Variants in PTPRT observed in about 807,000 individuals in gnomAD.
The protein encoded by PTPRT is receptor-type tyrosine-protein phosphatase T.
PTPRT carries 56 observed loss-of-function variants against 176.8 expected under a neutral mutation model. That is an observed-to-expected ratio of 0.32 (90% CI 0.26 to 0.40). The LOEUF (loss-of-function observed/expected upper bound fraction) is 0.40. PTPRT is among the 10% of genes least tolerant of loss of function. PTPRT has a pLI of 1.00. For missense variants in PTPRT, 1,540 were observed against 1,908.2 expected, an observed-to-expected ratio of 0.81 and a Z score of 3.60; for synonymous variants, 783 against 739.0, an observed-to-expected ratio of 1.06 and a Z score of -0.96.
chr20:43,091,623 T>C (rs892508850), intron 1 of PTPRT, among the ~76,000 whole-genome samples: 1 of 151,946 alleles, frequency 6.6e-6, no homozygotes, highest in South Asian at 2.1e-4. Context: ...CAAAAAGTTT[T>C]CCACATACCT....
intron 1 of PTPRT, among the ~76,000 whole-genome samples, chr20:43,133,018 A>T (rs985800363): frequency 1.3e-4 from 20 of 148,960 alleles, no homozygotes; most frequent in Non-Finnish European, 5.9e-5. Context: ...ATTACATAAA[A>T]AATAAACTGG....
chr20:42,148,124 A>G (rs542641846), intron 17 of PTPRT, among the ~76,000 whole-genome samples: 132 of 152,142 alleles, frequency 8.7e-4, no homozygotes, highest in African/African-American at 3.1e-3. Flanking sequence ...CCATCTCATT[A>G]TATTCATCCA....
At chr20:42,672,182 G>A (rs1010158141) in intron 7 of PTPRT, among the ~76,000 whole-genome samples, 1 of 152,220 alleles carries the variant, frequency 6.6e-6, no homozygotes, top group African/African-American at 2.4e-5. Context: ...TGAGTCAGTG[G>A]ACTGGGAAAG....
intron 7 of PTPRT, among the ~76,000 whole-genome samples, chr20:42,546,432 A>G (rs1328804293): frequency 1.3e-5 from 2 of 152,108 alleles, no homozygotes; most frequent in Non-Finnish European, 2.9e-5. Flanking sequence ...TTACAGCTGC[A>G]TACTACTAGT....
chr20:42,051,760 T>A, the PTPRT span, among the ~76,000 whole-genome samples: 1 of 152,264 alleles, frequency 6.6e-6, no homozygotes, highest in Non-Finnish European at 1.5e-5. Context: ...AATTAAAATA[T>A]GTCTTCATAC....
intron 1 of PTPRT, among the ~76,000 whole-genome samples, chr20:43,021,659 A>T (rs1176321188): frequency 6.6e-6 from 1 of 152,134 alleles, no homozygotes. Context: ...CTAACAGAAG[A>T]GATACAGACA....
At chr20:42,060,034 C>T in the PTPRT span, among the ~76,000 whole-genome samples, 2 of 152,162 alleles carry the variant, frequency 1.3e-5, no homozygotes, top group African/African-American at 4.8e-5. Flanking sequence ...CACTTTGCAG[C>T]TTCCCAAAGC....
intron 16 of PTPRT, among the ~76,000 whole-genome samples, chr20:42,178,651 T>C (rs1294580030): frequency 6.6e-6 from 1 of 152,242 alleles, no homozygotes; most frequent in East Asian, 1.9e-4. Context: ...CCTAGATGTG[T>C]ATCTCTGGCT....
At chr20:42,411,425 G>C (rs1191070591) in intron 9 of PTPRT, among the ~76,000 whole-genome samples, 1 of 150,286 alleles carries the variant, frequency 6.7e-6, no homozygotes, top group African/African-American at 2.5e-5. Flanking sequence ...GCTGAGGCAG[G>C]AGAATCACTT....
chr20:43,117,267 G>C (rs1244397775), intron 1 of PTPRT, among the ~76,000 whole-genome samples: 1 of 152,188 alleles, frequency 6.6e-6, no homozygotes, highest in Non-Finnish European at 1.5e-5. Context: ...AAAGGGAGGG[G>C]TGAAGAATTG....
At chr20:42,640,064 T>A (rs1363998778) in intron 7 of PTPRT, among the ~76,000 whole-genome samples, 1 of 152,114 alleles carries the variant, frequency 6.6e-6, no homozygotes, top group African/African-American at 2.4e-5. Flanking sequence ...ATGGAGTTCA[T>A]TCTTTACCTG....
chr20:42,062,097 C>G, the PTPRT span, among the ~76,000 whole-genome samples: 1 of 152,164 alleles, frequency 6.6e-6, no homozygotes. Context: ...GTAGGGTACA[C>G]TATCCAGCCC....
intron 1 of PTPRT, among the ~76,000 whole-genome samples, chr20:43,109,787 G>A (rs1225680855): frequency 3.3e-5 from 5 of 152,160 alleles, no homozygotes; most frequent in Admixed American, 6.5e-5. Flanking sequence ...AGTGAGGAAA[G>A]GAGTTGGAGA....
At chr20:42,955,020 G>T (rs182277) in intron 1 of PTPRT, among the ~76,000 whole-genome samples, 2,269 of 149,738 alleles carry the variant, frequency 0.015, 59 homozygotes, top group African/African-American at 0.053. Flanking sequence ...GGAGAGGGAG[G>T]AGGAGTTACA....
At chr20:42,153,112 C>A (rs1989207323) in intron 17 of PTPRT, among the ~76,000 whole-genome samples, 1 of 152,126 alleles carries the variant, frequency 6.6e-6, no homozygotes, top group African/African-American at 2.4e-5. Flanking sequence ...TGGCAAAAAG[C>A]AAGTGTGTCT....
rs556374683 is a variant in PTPRT at position 42,624,592 on chromosome 20, G to A, written c.1153+53274C>T. Among the ~76,000 whole-genome samples, 9 of 152,276 alleles carry A rather than the reference G, an allele frequency of 5.9e-5. No homozygotes were observed. The South Asian group carries it at 1.0e-3, about 18-fold the overall frequency. On this transcript the variant is annotated intron_variant, in intron 7 of 30. Transcript: ENST00000373187. The stretch of plus-strand genomic sequence containing the variant: ...ACTGCTTAGGTTGAAATGAGGATGG[G>A]GAAAGAGTCTTGGTCCCCATAACCC...
intron 2 of PTPRT, among the ~76,000 whole-genome samples, chr20:42,867,701 T>TTTG (rs2078771857): frequency 1.7e-5 from 2 of 115,344 alleles, no homozygotes; most frequent in Admixed American, 8.8e-5. Flanking sequence ...TTTTTTTTTT[T>TTTG]GTGACAGAGT....
the PTPRT span, among the ~76,000 whole-genome samples, chr20:42,052,557 G>A: frequency 2.6e-5 from 4 of 152,156 alleles, no homozygotes; most frequent in Non-Finnish European, 5.9e-5. Flanking sequence ...CAGCAGAGGG[G>A]CAGTGGCATG....
chr20:42,887,578 A>G (rs2079123221), intron 1 of PTPRT, among the ~76,000 whole-genome samples: 1 of 152,092 alleles, frequency 6.6e-6, no homozygotes, highest in Non-Finnish European at 1.5e-5. Context: ...ACATCACACT[A>G]TTGTCTCCAT....
Sources: allele counts gnomAD v4.1 joint callset (sites outside exome capture counted in the v4.1 genomes callset), GRCh38; gene constraint gnomAD v4.1.1; transcripts MANE v1.5; gene names NCBI Gene and HGNC (gene_info 2026-07-23, HGNC 2026-07-21).